PARD3: variants seen among roughly 807,000 people sequenced by gnomAD.
PARD3 encodes partitioning defective 3 homolog.
Under a neutral mutation model 155.4 loss-of-function variants are expected in PARD3, and 75 were observed. That is an observed-to-expected ratio of 0.48 (90% CI 0.40 to 0.58). The LOEUF is 0.58. Among genes scored for constraint, PARD3 ranks in the 20% least tolerant of loss-of-function variants. The probability of loss-of-function intolerance (pLI) is 0.00; values close to 1 mark genes in which losing one functional copy is unlikely to be tolerated. For missense variants in PARD3, 1,642 were observed against 1,721.7 expected (o/e 0.95, Z 0.82); for synonymous variants, 576 against 610.5 (o/e 0.94, Z 0.83).
At chr10:34,319,621 T>C (rs7091511) in intron 19 of PARD3, among the ~76,000 whole-genome samples, 166 of 152,354 alleles carry the variant, frequency 1.1e-3, no homozygotes, top group African/African-American at 3.9e-3. Context: ...CTATAATTTT[T>C]TGTGGTGTAC....
chr10:34,544,853 C>T (rs541709765), intron 2 of PARD3, among the ~76,000 whole-genome samples: 1 of 152,200 alleles, frequency 6.6e-6, no homozygotes, highest in Non-Finnish European at 1.5e-5. Context: ...CTCATTTACA[C>T]TGGAGCACCT....
rs535604845 is a variant in PARD3, at chr10:34,196,770, A to T, written c.3420-65187T>A. 3.4e-3 allele frequency among the ~76,000 whole-genome samples: 522 copies of T among 151,630 alleles called. 1 individual carries two copies. The highest frequency in any genetic ancestry group is 7.4e-3 in the African/African-American group (306 of 41,356). On this transcript the variant is annotated intron_variant, in intron 22 of 24. Coordinates refer to ENST00000374788, the MANE Select transcript of PARD3 (RefSeq NM_001184785.2). ...CTGTATTTTTAGTAGAGACAGGGTT[A>T]CACCGTGTTAGCCAGGATGGTCTCT...
At chr10:34,499,862 T>C (rs777764039) in intron 3 of PARD3, among the ~76,000 whole-genome samples, 3 of 152,192 alleles carry the variant, frequency 2.0e-5, no homozygotes, top group Non-Finnish European at 2.9e-5. Flanking sequence ...TGACATAGCA[T>C]AGTATTTGCA....
intron 2 of PARD3, among the ~76,000 whole-genome samples, chr10:34,684,788 CA>C (rs1564504459): frequency 1.3e-5 from 1 of 74,878 alleles, no homozygotes; most frequent in African/African-American, 8.1e-5. Context: ...TACACACACA[CA>C]CACACACACA....
chr10:34,579,518 C>T (rs987335315), intron 2 of PARD3, among the ~76,000 whole-genome samples: 1 of 150,398 alleles, frequency 6.6e-6, no homozygotes, highest in Non-Finnish European at 1.5e-5. Flanking sequence ...CACTGTCAGA[C>T]AACGTGAACT....
At chr10:34,312,903 A>C (rs1230436392) in intron 20 of PARD3, among the ~76,000 whole-genome samples, 1 of 152,198 alleles carries the variant, frequency 6.6e-6, no homozygotes, top group Non-Finnish European at 1.5e-5. Context: ...CACTTACTCT[A>C]GGGCTCACAA....
At chr10:34,198,480 G>C (rs1201102111) in intron 22 of PARD3, among the ~76,000 whole-genome samples, 1 of 151,684 alleles carries the variant, frequency 6.6e-6, no homozygotes. Context: ...GTGTGTGTGT[G>C]TGTGTGTATG....
chr10:34,651,418 G>A (rs1162157393), intron 2 of PARD3, among the ~76,000 whole-genome samples: 9 of 152,180 alleles, frequency 5.9e-5, no homozygotes, highest in Admixed American at 5.2e-4. Context: ...AGTGGGAAAC[G>A]GATTTACACC....
chr10:34,524,396 T>C (rs1484975610), intron 2 of PARD3, among the ~76,000 whole-genome samples: 1 of 152,206 alleles, frequency 6.6e-6, no homozygotes, highest in Non-Finnish European at 1.5e-5. Flanking sequence ...GTGAAAGATA[T>C]TCACCTATGA....
At chr10:34,418,454 G>A (rs1476764001) in intron 5 of PARD3, among the ~76,000 whole-genome samples, 1 of 151,794 alleles carries the variant, frequency 6.6e-6, no homozygotes, top group African/African-American at 2.4e-5. Context: ...GACTACAGGT[G>A]TGAGTCACCG....
chr10:34,696,433 C>T lies in PARD3; in HGVS notation c.121-14G>A. On this transcript the variant is annotated splice_polypyrimidine_tract_variant and intron_variant, in intron 1 of 24. Coordinates refer to ENST00000374788, the MANE Select transcript of PARD3 (RefSeq NM_001184785.2). Reference sequence around the variant, plus strand: ...GTAGTTTGGATCCTATACGAAAGAACAGAAACACTGAATATAGCAAGTTAG... The same window carrying T: ...GTAGTTTGGATCCTATACGAAAGAATAGAAACACTGAATATAGCAAGTTAG... 2 of 1,480,404 alleles carry T rather than the reference C, an allele frequency of 1.4e-6. No homozygotes were observed. The highest frequency in any genetic ancestry group is 1.9e-6 in the Non-Finnish European group (2 of 1,059,688). The allele number at this position is 1,480,404 out of a possible 1,614,324, so 91.7% of individuals were successfully genotyped here.
At chr10:34,800,255 C>T (rs1265601375) in intron 1 of PARD3, among the ~76,000 whole-genome samples, 3 of 152,146 alleles carry the variant, frequency 2.0e-5, no homozygotes, top group Admixed American at 6.5e-5. Context: ...AAGCACTGAC[C>T]CCAGCACATA....
chr10:34,795,178 C>A (rs745688892), intron 1 of PARD3, among the ~76,000 whole-genome samples: 1 of 152,248 alleles, frequency 6.6e-6, no homozygotes, highest in South Asian at 2.1e-4. Flanking sequence ...ACACCACATG[C>A]AGGTGCTCCA....
intron 2 of PARD3, among the ~76,000 whole-genome samples, chr10:34,661,170 T>C (rs1315997263): frequency 6.6e-6 from 1 of 152,170 alleles, no homozygotes; most frequent in Admixed American, 6.5e-5. Flanking sequence ...CTTCAGAGCA[T>C]CATGGGAATC....
At chr10:34,551,243 T>C (rs2084530368) in intron 2 of PARD3, among the ~76,000 whole-genome samples, 1 of 152,152 alleles carries the variant, frequency 6.6e-6, no homozygotes, top group Non-Finnish European at 1.5e-5. Context: ...AGCAGTGCCC[T>C]GTTCAGCCCC....
intron 22 of PARD3, among the ~76,000 whole-genome samples, chr10:34,221,514 A>AT: frequency 6.6e-6 from 1 of 150,498 alleles, no homozygotes; most frequent in Middle Eastern, 3.6e-3. Flanking sequence ...TCACGTACTT[A>AT]TTTTTTTGTG....
At chr10:34,301,813 C>T (rs1470188733) in intron 20 of PARD3, among the ~76,000 whole-genome samples, 3 of 98,490 alleles carry the variant, frequency 3.0e-5, no homozygotes, top group Non-Finnish European at 6.0e-5. Context: ...TGTTCTTTCT[C>T]CTTTCTTTTT....
chr10:34,270,122 T>G (rs1955541452), intron 21 of PARD3, among the ~76,000 whole-genome samples: 1 of 151,036 alleles, frequency 6.6e-6, no homozygotes, highest in Non-Finnish European at 1.5e-5. Flanking sequence ...TCTACAAGAT[T>G]GCAGTCATAA....
chr10:34,296,594 TTAAC>T (rs1956922949), intron 20 of PARD3, among the ~76,000 whole-genome samples: 1 of 152,174 alleles, frequency 6.6e-6, no homozygotes, highest in Non-Finnish European at 1.5e-5. Flanking sequence ...GTAAGAATCT[TTAAC>T]TAGACTATAA....
Sources: allele counts gnomAD v4.1 joint callset (sites outside exome capture counted in the v4.1 genomes callset), GRCh38; gene constraint gnomAD v4.1.1; transcripts MANE v1.5; gene names NCBI Gene and HGNC (gene_info 2026-07-23, HGNC 2026-07-21).